The following LHFPL4 variants were observed in gnomAD, a reference collection of about 807,000 sequenced individuals.
LHFPL4 encodes the protein LHFPL tetraspan subfamily member 4.
LHFPL4 carries 6 observed loss-of-function variants against 20.0 expected under a neutral mutation model. That is an observed-to-expected ratio of 0.30 (90% confidence interval 0.16 to 0.59). LHFPL4 has a LOEUF of 0.59. Among genes scored for constraint, LHFPL4 ranks in the 20% least tolerant of loss-of-function variants. LHFPL4 has a pLI of 0.88. For synonymous variants in LHFPL4, 129 were observed against 143.8 expected, an observed-to-expected ratio of 0.90 and a Z score of 0.74; for missense variants, 215 against 331.2, an observed-to-expected ratio of 0.65 and a Z score of 2.72.
Position 9,499,802 on chromosome 3 carries a change from C to T in LHFPL4, c.*2409G>A, listed in dbSNP as rs1575654466. 1 of 152,218 alleles carries T rather than the reference C, an allele frequency of 6.6e-6. No individual in the cohort carries two copies. Among genetic ancestry groups the T allele is most frequent in the African/African-American group, 2.4e-5 (1 of 41,320 alleles). 9.4% of individuals were successfully genotyped at this position (152,218 alleles called of 1,614,324 possible). A position where few individuals can be genotyped will look rare whatever the true frequency, so the allele number is the denominator to read the frequency against. On this transcript the variant is annotated 3_prime_UTR_variant, in exon 4 of 4. Coordinates refer to ENST00000287585, the MANE Select transcript of LHFPL4 (RefSeq NM_198560.3). Reference sequence around the variant, plus strand: ...GCAGGCGTCCTTGGGGGAACAAGCTCTCCCCTCACCCAGTGCCCAGATAGC... The same window carrying T: ...GCAGGCGTCCTTGGGGGAACAAGCTTTCCCCTCACCCAGTGCCCAGATAGC...
chr3:9,502,226 G>A lies in LHFPL4; in HGVS notation c.729C>T (p.His243=), dbSNP rs2125654065. The change falls in exon 4 of 4, where the codon CAC becomes CAT. Residue 243 remains histidine (H), a synonymous_variant. Transcript: ENST00000287585. ...GWGVLPCPVA[H]SQGP ...TCCTGGCCTTTCAGGGTCCCTGTGAGTGAGCCACGGGGCAGGGAAGGACTC... is the reference window on the plus strand; with the variant it reads ...TCCTGGCCTTTCAGGGTCCCTGTGAATGAGCCACGGGGCAGGGAAGGACTC... 2 of 1,613,858 alleles carry A rather than the reference G, an allele frequency of 1.2e-6. No homozygotes were observed. Among genetic ancestry groups the A allele is most frequent in the East Asian group, 4.5e-5 (2 of 44,866 alleles).
chr3:9,543,503 AC>A (rs1157136952), intron 2 of LHFPL4, among the ~76,000 whole-genome samples: 15 of 151,232 alleles, frequency 9.9e-5, no homozygotes, highest in Admixed American at 9.9e-4. Context: ...CTGTCTCAAA[AC>A]AAAAAAAAAA....
In LHFPL4 at chr3:9,506,680, AAGCAATTCTCCTGCCTC is replaced by A. The variant is rs1433592455; in HGVS notation, c.407-494_407-478del. Among the ~76,000 whole-genome samples, 2 of 152,134 alleles carry A rather than the reference AAGCAATTCTCCTGCCTC, an allele frequency of 1.3e-5. No individual in the cohort carries two copies. Among genetic ancestry groups the A allele is most frequent in the Admixed American group, 1.3e-4 (2 of 15,272 alleles). On this transcript the variant is annotated intron_variant, in intron 2 of 3. Coordinates refer to ENST00000287585, the MANE Select transcript of LHFPL4 (RefSeq NM_198560.3). This position sits in a 1 kb window ranked among gnomAD's most constrained non-coding sequence, Gnocchi z 4.5. Reference sequence around the variant, plus strand: ...ACTGTAACCTCCACCTCCCGGGCTCAAGCAATTCTCCTGCCTCAGCCTCCTGAGTAGCTGAGACTACA... The same window carrying A: ...ACTGTAACCTCCACCTCCCGGGCTCAAGCCTCCTGAGTAGCTGAGACTACA...
intron 2 of LHFPL4, among the ~76,000 whole-genome samples, chr3:9,542,770 G>C (rs1244847511): frequency 7.0e-6 from 1 of 142,654 alleles, no homozygotes. Context: ...TTGCAACACT[G>C]TACTCCAGCC....
intron 2 of LHFPL4, among the ~76,000 whole-genome samples, chr3:9,509,899 A>G (rs191184972): frequency 4.6e-5 from 7 of 152,332 alleles, no homozygotes; most frequent in Non-Finnish European, 1.0e-4. Context: ...CATTTGCTGG[A>G]TGAAGAAACT....
rs1263262113 is a variant in LHFPL4 at position 9,552,359 on chromosome 3, G to A, written c.321C>T (p.Leu107=). The change falls in exon 2 of 4, where the codon CTC becomes CTT. Residue 107 remains leucine, a synonymous_variant. Coordinates refer to ENST00000287585, the MANE Select transcript of LHFPL4 (RefSeq NM_198560.3). The stretch of plus-strand genomic sequence containing the variant: ...AAAGCGAAAAGCAGGTGATGCAGCC[G>A]AGGATCAGCACCATGGAGAGCAGCA... The part of the protein sequence containing the change: ...FFVLLSMVLI[L]GCITCFSLFF... 5 of 1,613,940 alleles carry A rather than the reference G, an allele frequency of 3.1e-6. No individual in the cohort carries two copies. Among genetic ancestry groups the A allele is most frequent in the Non-Finnish European group, 4.2e-6 (5 of 1,179,958 alleles).
intron 2 of LHFPL4, among the ~76,000 whole-genome samples, chr3:9,523,991 C>T (rs537121350): frequency 8.4e-5 from 12 of 142,352 alleles, no homozygotes; most frequent in South Asian, 2.5e-4. Flanking sequence ...TTTCCCCCCC[C>T]CCCAACACTT....
At chr3:9,550,941 T>C (rs927146642) in intron 2 of LHFPL4, 2 of 152,266 alleles carry the variant, frequency 1.3e-5, no homozygotes, top group African/African-American at 4.8e-5. Context: ...ACCAGCCTCA[T>C]GACTTTGTCC....
At chr3:9,515,980 G>T (rs2046298196) in intron 2 of LHFPL4, among the ~76,000 whole-genome samples, 2 of 152,192 alleles carry the variant, frequency 1.3e-5, no homozygotes, top group African/African-American at 4.8e-5. Flanking sequence ...CTCCCAAAGT[G>T]CAGGGACTAT....
intron 2 of LHFPL4, among the ~76,000 whole-genome samples, chr3:9,546,219 A>G (rs2648396): frequency 0.85 from 128,678 of 151,520 alleles, 55,066 homozygotes; most frequent in African/African-American, 0.97. Flanking sequence ...GTAGGCTGAG[A>G]CAGAAGAATC....
At chr3:9,536,585 C>T (rs2046445886) in intron 2 of LHFPL4, among the ~76,000 whole-genome samples, 1 of 152,198 alleles carries the variant, frequency 6.6e-6, no homozygotes, top group African/African-American at 2.4e-5. Flanking sequence ...ACCACAGTCA[C>T]CTTCAAACTA....
At chr3:9,531,486 G>A (rs1038540564) in intron 2 of LHFPL4, among the ~76,000 whole-genome samples, 23 of 152,248 alleles carry the variant, frequency 1.5e-4, no homozygotes, top group Admixed American at 9.2e-4. Flanking sequence ...GAGGGAAGGA[G>A]GCAGGGAAGG....
rs949453878 is a variant in LHFPL4, at chr3:9,506,657, T to G, written c.407-454A>C. ...GTGCAATGGCGTGATCTCGGCTCAC[T>G]GTAACCTCCACCTCCCGGGCTCAAG... On this transcript the variant is annotated intron_variant, in intron 2 of 3. Coordinates refer to ENST00000287585, the MANE Select transcript of LHFPL4 (RefSeq NM_198560.3). This position sits in a 1 kb window ranked among gnomAD's most constrained non-coding sequence, Gnocchi z 4.5. Among the ~76,000 whole-genome samples, 1 of 102,956 alleles carries G rather than the reference T, an allele frequency of 9.7e-6. No individual in the cohort carries two copies. Among genetic ancestry groups the G allele is most frequent in the Non-Finnish European group, 2.0e-5 (1 of 50,900 alleles). The allele number at this position is 102,956 out of a possible 152,430, so 67.5% of individuals were successfully genotyped here. A position where few individuals can be genotyped will look rare whatever the true frequency, so the allele number is the denominator to read the frequency against.
chr3:9,546,883 T>C (rs2046518247), intron 2 of LHFPL4, among the ~76,000 whole-genome samples: 1 of 152,254 alleles, frequency 6.6e-6, no homozygotes, highest in Non-Finnish European at 1.5e-5. Context: ...TGATAATTTC[T>C]ATTTTTATAG....
intron 2 of LHFPL4, among the ~76,000 whole-genome samples, chr3:9,515,825 C>T (rs1013749317): frequency 1.3e-5 from 2 of 151,334 alleles, no homozygotes; most frequent in African/African-American, 4.9e-5. Flanking sequence ...AAGCAATTCT[C>T]TGCCTCAGCC....
At chr3:9,534,579 T>C (rs1267717473) in intron 2 of LHFPL4, among the ~76,000 whole-genome samples, 1 of 152,168 alleles carries the variant, frequency 6.6e-6, no homozygotes, top group African/African-American at 2.4e-5. Context: ...AGAGGGGCAT[T>C]GGGTAGCTGG....
chr3:9,546,596 T>G (rs1003620914), intron 2 of LHFPL4, among the ~76,000 whole-genome samples: 3 of 152,192 alleles, frequency 2.0e-5, no homozygotes, highest in African/African-American at 7.2e-5. Flanking sequence ...ACCATGAACT[T>G]GTCCCTTCTC....
At chr3:9,515,681 A>G (rs2046295450) in intron 2 of LHFPL4, among the ~76,000 whole-genome samples, 1 of 149,830 alleles carries the variant, frequency 6.7e-6, no homozygotes, top group South Asian at 2.1e-4. Context: ...CTCAAGAGTT[A>G]TTTGTATATT....
At chr3:9,536,544 G>A (rs2046445758) in intron 2 of LHFPL4, among the ~76,000 whole-genome samples, 1 of 152,052 alleles carries the variant, frequency 6.6e-6, no homozygotes, top group Non-Finnish European at 1.5e-5. Context: ...CTACCACCTT[G>A]CTCCAAGCCC....
Sources: gnomAD v4.1 joint callset for allele counts (sites outside exome capture counted in the v4.1 genomes callset) on GRCh38, gnomAD v4.1.1 for gene constraint, Gnocchi (gnomAD v3.1) non-coding constraint, MANE v1.5 for transcripts, NCBI Gene and HGNC (gene_info 2026-07-23, HGNC 2026-07-21) for gene names.